Variants in RGPD2 observed in about 807,000 individuals in gnomAD.
The protein encoded by RGPD2 is RANBP2-like and GRIP domain-containing protein 2.
A neutral mutation model predicts 36.0 loss-of-function variants in RGPD2; 2 were observed. The observed-to-expected ratio is 0.06, with a 90% CI of 0.02 to 0.17. The LOEUF is 0.17. Among genes scored for constraint, RGPD2 ranks in the 10% least tolerant of loss-of-function variants. RGPD2 has a pLI of 1.00. For synonymous variants in RGPD2, 19 were observed against 163.8 expected (o/e 0.12, Z 6.75); for missense variants, 40 against 464.3 (o/e 0.09, Z 8.40).
At chr2:87,935,305 G>GA in the RGPD2 span, among the ~76,000 whole-genome samples, 2 of 150,776 alleles carry the variant, frequency 1.3e-5, no homozygotes, top group Admixed American at 1.3e-4. Context: ...TAAACAAAGA[G>GA]AGTATTCCAT....
At chr2:87,964,700 C>T in the RGPD2 span, among the ~76,000 whole-genome samples, 1 of 147,550 alleles carries the variant, frequency 6.8e-6, no homozygotes. Context: ...ATACTAAAAG[C>T]CAGTGCCCTT....
chr2:87,847,499 ATTT>A, the RGPD2 span, among the ~76,000 whole-genome samples: 2 of 130,530 alleles, frequency 1.5e-5, no homozygotes, highest in African/African-American at 5.6e-5. Flanking sequence ...TTGTTTTTTA[ATTT>A]TTTTTTTTTT....
the RGPD2 span, among the ~76,000 whole-genome samples, chr2:87,839,729 G>A: frequency 3.5e-3 from 531 of 151,952 alleles, 5 homozygotes; most frequent in African/African-American, 0.012. Context: ...ATGAGTACAC[G>A]GGAACACAAA....
the RGPD2 span, among the ~76,000 whole-genome samples, chr2:87,857,999 T>C: frequency 2.0e-5 from 3 of 152,314 alleles, no homozygotes; most frequent in East Asian, 5.8e-4. Flanking sequence ...CATACTAAAA[T>C]ATATACTCCA....
the RGPD2 span, among the ~76,000 whole-genome samples, chr2:87,911,274 T>A: frequency 7.0e-6 from 1 of 143,298 alleles, no homozygotes; most frequent in Non-Finnish European, 1.5e-5. Flanking sequence ...AGCCTGTGTT[T>A]ACTTTTGACT....
At position 87,822,418 on chromosome 2, in the gene RGPD2, A is replaced by G. The variant is rs1395000518; in HGVS notation, c.72+3240T>C. On this transcript the variant is annotated intron_variant, in intron 1 of 22. Coordinates refer to ENST00000398146, the MANE Select transcript of RGPD2 (RefSeq NM_001078170.3). ...TGTTACCAAGAACAAGACTCTCATCAGACTCCTAACAACAGAACTTCTGGA... is the reference window on the plus strand; with the variant it reads ...TGTTACCAAGAACAAGACTCTCATCGGACTCCTAACAACAGAACTTCTGGA... Among the ~76,000 whole-genome samples, 242 of 146,990 alleles carry G rather than the reference A, an allele frequency of 1.6e-3. 1 individual carries two copies. The highest frequency in any genetic ancestry group is 2.8e-3 in the Non-Finnish European group (184 of 66,878).
the RGPD2 span, among the ~76,000 whole-genome samples, chr2:87,869,821 A>G: frequency 3.3e-5 from 5 of 152,272 alleles, no homozygotes; most frequent in African/African-American, 9.6e-5. Flanking sequence ...AGTTAACGTA[A>G]TACAGTAAAG....
At chr2:87,937,009 G>A in the RGPD2 span, among the ~76,000 whole-genome samples, 9 of 150,558 alleles carry the variant, frequency 6.0e-5, no homozygotes, top group African/African-American at 2.0e-4. Flanking sequence ...CACTATGGAA[G>A]ATAAAAACAC....
the RGPD2 span, among the ~76,000 whole-genome samples, chr2:87,927,618 T>G: frequency 6.6e-6 from 1 of 151,602 alleles, no homozygotes; most frequent in Non-Finnish European, 1.5e-5. Context: ...TCTACAGATA[T>G]GTTTTGCTTC....
the RGPD2 span, among the ~76,000 whole-genome samples, chr2:87,980,255 A>T: frequency 3.7e-5 from 5 of 134,176 alleles, no homozygotes; most frequent in African/African-American, 1.3e-4. Context: ...GGAGGCTGAG[A>T]CAGGAGAACT....
chr2:87,844,634 A>G, the RGPD2 span, among the ~76,000 whole-genome samples: 6,520 of 150,578 alleles, frequency 0.043, no homozygotes, highest in Non-Finnish European at 0.069. Context: ...TACATTATAT[A>G]TATATATTCA....
the RGPD2 span, among the ~76,000 whole-genome samples, chr2:87,876,670 A>G: frequency 6.6e-6 from 1 of 152,286 alleles, no homozygotes; most frequent in Admixed American, 6.5e-5. Context: ...AATGAGAAGT[A>G]TGTATATTAT....
the RGPD2 span, among the ~76,000 whole-genome samples, chr2:87,905,376 T>C: frequency 7.7e-3 from 1,150 of 148,696 alleles, no homozygotes; most frequent in African/African-American, 0.027. Flanking sequence ...AAGAGCATCC[T>C]GATAGGAAAT....
chr2:87,870,306 G>A, the RGPD2 span, among the ~76,000 whole-genome samples: 47 of 152,172 alleles, frequency 3.1e-4, no homozygotes, highest in African/African-American at 1.1e-3. Context: ...TTGGTCTATA[G>A]ACCAAAGTCT....
chr2:87,915,336 A>G, the RGPD2 span, among the ~76,000 whole-genome samples: 2 of 109,896 alleles, frequency 1.8e-5, no homozygotes, highest in Non-Finnish European at 3.6e-5. Flanking sequence ...TATATTGTAT[A>G]TATAATGTAT....
chr2:87,858,158 A>G, the RGPD2 span, among the ~76,000 whole-genome samples: 186 of 152,032 alleles, frequency 1.2e-3, no homozygotes, highest in Middle Eastern at 3.4e-3. Flanking sequence ...CGTGCCTGTA[A>G]TCCCAGCTAC....
chr2:87,940,291 T>C, the RGPD2 span, among the ~76,000 whole-genome samples: 1 of 151,896 alleles, frequency 6.6e-6, no homozygotes, highest in Non-Finnish European at 1.5e-5. Context: ...TGCTCCTGTG[T>C]AGTATTAGGA....
rs772354573 is a variant in RGPD2, at chr2:87,825,709, G to A, written c.21C>T (p.Tyr7=). 1.7e-5 allele frequency: 28 copies of A among 1,602,010 alleles called. No individual in the cohort carries two copies. The highest frequency in any genetic ancestry group is 4.0e-5 in the African/African-American group (3 of 74,642). Residue 7 remains tyrosine (Y), a synonymous_variant, in exon 1 of 23, where the codon TAC becomes TAT. Transcript: ENST00000398146. ...GCACCGAGGCGAGGTACCGCTCCCC[G>A]TAGGCTTTGCTGCGCCTCATCGCAC... MRRSKA[Y]GERYLASVQG...
At chr2:87,864,617 GATAGATA>G in the RGPD2 span, among the ~76,000 whole-genome samples, 830 of 25,514 alleles carry the variant, frequency 0.033, no homozygotes, top group East Asian at 0.31. Flanking sequence ...TAGATAGATA[GATAGATA>G]CATAGATGAT....
Sources: allele counts gnomAD v4.1 joint callset (sites outside exome capture counted in the v4.1 genomes callset), GRCh38; gene constraint gnomAD v4.1.1; transcripts MANE v1.5; gene names NCBI Gene and HGNC (gene_info 2026-07-23, HGNC 2026-07-21).